Variants in ZNF454 observed in about 807,000 individuals in gnomAD.
ZNF454 encodes zinc finger protein 454.
A neutral mutation model predicts 48.2 loss-of-function variants in ZNF454; 30 were observed. The observed-to-expected ratio is 0.62, with a 90% CI of 0.47 to 0.84. The LOEUF is 0.84. ZNF454 is among the 40% of genes least tolerant of loss of function. ZNF454 has a pLI of 0.00. For synonymous variants in ZNF454, 204 were observed against 211.4 expected, an observed-to-expected ratio of 0.97 and a Z score of 0.30; for missense variants, 510 against 623.1, an observed-to-expected ratio of 0.82 and a Z score of 1.93.
chr5:178,987,273 A>T, the ZNF454 span: 6 of 581,244 alleles, frequency 1.0e-5, no homozygotes, highest in South Asian at 9.1e-5. Context: ...AGCCTCCTCA[A>T]AAGATTAAAC....
chr5:178,983,463 G>C, the ZNF454 span: 19 of 687,678 alleles, frequency 2.8e-5, no homozygotes, highest in Admixed American at 1.0e-4. Flanking sequence ...GAGAAGGGCT[G>C]TGCCGCCCGT....
chr5:178,969,533 C>G (rs780825661), downstream of ZNF454: 1 of 457,024 alleles, frequency 2.2e-6, no homozygotes, highest in South Asian at 1.5e-5. Context: ...TCTTCAGGGA[C>G]AGACTTGGCC....
chr5:178,943,888 G>A (rs908062700), intron 2 of ZNF454, among the ~76,000 whole-genome samples: 7 of 152,098 alleles, frequency 4.6e-5, no homozygotes, highest in Non-Finnish European at 7.4e-5. Flanking sequence ...TTAGCTGGGC[G>A]TGGTGGTGGG....
chr5:178,981,088 C>T, the ZNF454 span: 1 of 161,620 alleles, frequency 6.2e-6, no homozygotes, highest in Non-Finnish European at 1.4e-5. The surrounding 1 kb of genome is among the most constrained non-coding windows in gnomAD (Gnocchi z 5.1). Context: ...CCCGCGCCCA[C>T]TGCAGGCCCT....
At chr5:178,968,699 T>C (rs927766291), downstream of ZNF454, 1 of 449,362 alleles carries the variant, frequency 2.2e-6, no homozygotes, top group Non-Finnish European at 4.5e-6. Context: ...ATCCATGTAA[T>C]GTGCCAGGTC....
chr5:178,950,789 T>C (rs892148507), intron 4 of ZNF454, among the ~76,000 whole-genome samples: 3 of 152,084 alleles, frequency 2.0e-5, no homozygotes, highest in Admixed American at 6.6e-5. Flanking sequence ...TTATGTCCTC[T>C]TATTTCCAAT....
chr5:178,964,781 T>A lies in ZNF454; in HGVS notation c.377T>A (p.Leu126Gln), dbSNP rs769421704. 4 of 1,614,080 alleles carry A rather than the reference T, an allele frequency of 2.5e-6. No homozygotes were observed. The highest frequency in any genetic ancestry group is 3.4e-6 in the Non-Finnish European group (4 of 1,180,042). ...SSSHWKCASL[L>Q]EWQCGGQEIS... ...AGTCACTGGAAGTGTGCTAGCCTGC[T>A]GGAGTGGCAATGTGGAGGCCAGGAG... is the stretch of plus-strand genomic sequence containing the variant. Residue 126 changes from leucine to glutamine, a missense_variant, in exon 5 of 5, where the codon CTG becomes CAG. Around this residue, in one of 3 missense-constraint regions of ZNF454, gnomAD observed 354 missense variants for 408.9 expected, o/e 0.87. Transcript: ENST00000519564.
the ZNF454 span, among the ~76,000 whole-genome samples, chr5:178,972,796 G>A: frequency 6.6e-6 from 1 of 152,160 alleles, no homozygotes; most frequent in Non-Finnish European, 1.5e-5. Context: ...GTGGGGGAAG[G>A]GCAGGCGGAG....
At chr5:178,953,055 T>C (rs1435782450) in intron 4 of ZNF454, among the ~76,000 whole-genome samples, 4 of 152,244 alleles carry the variant, frequency 2.6e-5, no homozygotes, top group Non-Finnish European at 5.9e-5. Context: ...CTCCCTCTTC[T>C]TTTAGCTGAT....
intron 4 of ZNF454, among the ~76,000 whole-genome samples, chr5:178,949,692 C>T (rs1409314417): frequency 1.3e-5 from 2 of 152,092 alleles, no homozygotes; most frequent in Non-Finnish European, 2.9e-5. Flanking sequence ...TCTTGGTTCA[C>T]TGCAATCTCC....
chr5:178,960,043 G>A (rs1262175451), intron 4 of ZNF454, among the ~76,000 whole-genome samples: 1 of 150,262 alleles, frequency 6.7e-6, no homozygotes, highest in South Asian at 2.1e-4. Context: ...TGAACTCCTG[G>A]GCTTATGGCG....
intron 4 of ZNF454, among the ~76,000 whole-genome samples, chr5:178,950,939 A>G (rs1167823207): frequency 6.6e-6 from 1 of 150,640 alleles, no homozygotes; most frequent in Non-Finnish European, 1.5e-5. Context: ...GGCTCACTAC[A>G]ACCTCTGCCT....
the ZNF454 span, chr5:178,986,200 G>A: frequency 1.3e-4 from 211 of 1,614,088 alleles, no homozygotes; most frequent in East Asian, 3.6e-4. Context: ...GGGTGTGACC[G>A]AGCGCTTGCC....
intron 4 of ZNF454, among the ~76,000 whole-genome samples, chr5:178,956,666 TTTTA>T (rs1485186807): frequency 3.0e-5 from 2 of 67,256 alleles, no homozygotes; most frequent in African/African-American, 4.9e-5. Context: ...CTTTATTTTA[TTTTA>T]TTTAATTTAT....
At chr5:178,963,091 A>G (rs1032382129) in intron 4 of ZNF454, among the ~76,000 whole-genome samples, 4 of 151,818 alleles carry the variant, frequency 2.6e-5, no homozygotes, top group Non-Finnish European at 5.9e-5. Context: ...TAAGAATTCA[A>G]TAAAATGTTT....
At chr5:178,958,016 T>C (rs1309731702) in intron 4 of ZNF454, among the ~76,000 whole-genome samples, 1 of 152,222 alleles carries the variant, frequency 6.6e-6, no homozygotes, top group Admixed American at 6.5e-5. Flanking sequence ...CAGTATCCAA[T>C]AGCTGATAGA....
At chr5:178,977,432 T>G in the ZNF454 span, 1 of 456,422 alleles carries the variant, frequency 2.2e-6, no homozygotes. Context: ...CTCTTGGACT[T>G]TCCAGCCTCC....
intron 4 of ZNF454, among the ~76,000 whole-genome samples, chr5:178,956,016 C>G (rs569408946): frequency 6.6e-6 from 1 of 152,230 alleles, no homozygotes; most frequent in South Asian, 2.1e-4. Flanking sequence ...TGGCTTGTTT[C>G]CCTTCTCTCA....
intron 2 of ZNF454, among the ~76,000 whole-genome samples, chr5:178,945,178 C>T (rs1396038126): frequency 2.7e-5 from 4 of 146,296 alleles, no homozygotes; most frequent in South Asian, 2.2e-4. Flanking sequence ...AGGGCTGTGT[C>T]TTTGTATGTG....
Sources: allele counts gnomAD v4.1 joint callset (sites outside exome capture counted in the v4.1 genomes callset), GRCh38; gene constraint gnomAD v4.1.1; regional missense constraint gnomAD v4.1.1; non-coding constraint Gnocchi (gnomAD v3.1); transcripts MANE v1.5; gene names NCBI Gene and HGNC (gene_info 2026-07-23, HGNC 2026-07-21).